The following CACNB2 variants were observed in gnomAD, a reference collection of about 807,000 sequenced individuals.
CACNB2 encodes voltage-dependent L-type calcium channel subunit beta-2.
A neutral mutation model predicts 73.3 loss-of-function variants in CACNB2; 42 were observed. That is an observed-to-expected ratio of 0.57 (90% CI 0.45 to 0.74). CACNB2 has a LOEUF of 0.74. Among genes scored for constraint, CACNB2 ranks in the 30% least tolerant of loss-of-function variants. The pLI, the probability that CACNB2 is intolerant of heterozygous loss-of-function variation, is 0.00. For missense variants in CACNB2, 940 were observed against 853.0 expected (o/e 1.10, Z -1.27); for synonymous variants, 348 against 310.3 (o/e 1.12, Z -1.28).
chr10:18,482,066 G>GT (rs899026955), intron 3 of CACNB2, among the ~76,000 whole-genome samples: 4 of 151,964 alleles, frequency 2.6e-5, no homozygotes, highest in South Asian at 2.1e-4. Flanking sequence ...ATTTTTGTGG[G>GT]TTTTTTTAGT....
At chr10:18,300,407 T>C (rs2039461526) in intron 2 of CACNB2, among the ~76,000 whole-genome samples, 1 of 152,062 alleles carries the variant, frequency 6.6e-6, no homozygotes, top group Non-Finnish European at 1.5e-5. Flanking sequence ...TCATTGCTGC[T>C]ACTTCTACTA....
intron 3 of CACNB2, among the ~76,000 whole-genome samples, chr10:18,414,821 A>G (rs1023799211): frequency 1.4e-4 from 21 of 151,524 alleles, no homozygotes; most frequent in African/African-American, 4.4e-4. Context: ...TTGTTGTATC[A>G]TTGTAAACAC....
intron 2 of CACNB2, among the ~76,000 whole-genome samples, chr10:18,355,649 T>G (rs1395866987): frequency 6.6e-6 from 1 of 151,738 alleles, no homozygotes; most frequent in Non-Finnish European, 1.5e-5. Flanking sequence ...TTTTTTTTAT[T>G]TTTTTGAGAC....
At chr10:18,150,806 C>T in intron 1 of CACNB2, 77 bp from the exon 2 acceptor site, 1 of 914,310 alleles carries the variant, frequency 1.1e-6, no homozygotes, top group Non-Finnish European at 1.6e-6. Context: ...ACATTTTCTG[C>T]AACTAGGCCT....
chr10:18,265,746 T>TG (rs1474419240), intron 2 of CACNB2, among the ~76,000 whole-genome samples: 1 of 152,176 alleles, frequency 6.6e-6, no homozygotes, highest in African/African-American at 2.4e-5. Flanking sequence ...AAGTTTATTG[T>TG]GAGAGTTAAG....
At chr10:18,255,400 C>T (rs1483469582) in intron 2 of CACNB2, among the ~76,000 whole-genome samples, 1 of 152,160 alleles carries the variant, frequency 6.6e-6, no homozygotes, top group Non-Finnish European at 1.5e-5. Flanking sequence ...TTCTAATTCT[C>T]GAAGATGTCA....
At chr10:18,196,047 G>T (rs2034608057) in intron 2 of CACNB2, among the ~76,000 whole-genome samples, 1 of 152,030 alleles carries the variant, frequency 6.6e-6, no homozygotes. Flanking sequence ...ATGTCCCCAG[G>T]CTCTGTTTTG....
chr10:18,180,762 C>T (rs2033831326), intron 2 of CACNB2, among the ~76,000 whole-genome samples: 2 of 151,942 alleles, frequency 1.3e-5, no homozygotes, highest in Non-Finnish European at 2.9e-5. Context: ...GTCAGGAGAT[C>T]GAGACCATCC....
chr10:18,407,184 G>A (rs1346722256), intron 3 of CACNB2, among the ~76,000 whole-genome samples: 2 of 129,092 alleles, frequency 1.5e-5, no homozygotes, highest in Non-Finnish European at 3.1e-5. Context: ...GTGCAGTGGT[G>A]CCACCTCAGC....
In CACNB2 at chr10:18,516,690, A is replaced by G. The variant is rs576952168; in HGVS notation, c.805-1646A>G. 3.9e-5 allele frequency among the ~76,000 whole-genome samples: 6 copies of G among 152,366 alleles called. No homozygotes were observed. The South Asian group carries it at 8.3e-4, about 21-fold the overall frequency. ...GTTATTGATAATGTGGTTAACATCA[A>G]TGTAGAATTCAAAAACAAAACAACA... On this transcript the variant is annotated intron_variant, in intron 7 of 13. Transcript: ENST00000324631.
chr10:18,492,756 G>C (rs533305633), intron 3 of CACNB2, among the ~76,000 whole-genome samples: 1 of 152,240 alleles, frequency 6.6e-6, no homozygotes, highest in South Asian at 2.1e-4. Flanking sequence ...CTTTAACAGC[G>C]AGTTAGTTTG....
chr10:18,191,344 C>T (rs550279054), intron 2 of CACNB2, among the ~76,000 whole-genome samples: 3 of 152,180 alleles, frequency 2.0e-5, no homozygotes, highest in Non-Finnish European at 4.4e-5. Flanking sequence ...CCAGCTGCCC[C>T]CCGTGTATTG....
chr10:18,147,586 C>G (rs10734038), intron 1 of CACNB2, among the ~76,000 whole-genome samples: 1 of 151,906 alleles, frequency 6.6e-6, no homozygotes. Context: ...ACAACCTGGG[C>G]TGCACTAATG....
At chr10:18,414,170 C>T (rs1296586529) in intron 3 of CACNB2, among the ~76,000 whole-genome samples, 1 of 152,206 alleles carries the variant, frequency 6.6e-6, no homozygotes, top group East Asian at 1.9e-4. Flanking sequence ...CATCCCCACC[C>T]ATCCCAGTGA....
chr10:18,506,228 C>G (rs1400336018), intron 5 of CACNB2, among the ~76,000 whole-genome samples: 1 of 152,204 alleles, frequency 6.6e-6, no homozygotes, highest in Admixed American at 6.5e-5. Flanking sequence ...AGAAATTACA[C>G]TGGTTCTCTT....
chr10:18,299,722 A>C (rs903840231), intron 2 of CACNB2, among the ~76,000 whole-genome samples: 5 of 152,170 alleles, frequency 3.3e-5, no homozygotes, highest in African/African-American at 1.2e-4. Context: ...AAAAATAAAA[A>C]TAAAAAAAAA....
At chr10:18,215,161 G>A (rs944785928) in intron 2 of CACNB2, among the ~76,000 whole-genome samples, 1 of 151,936 alleles carries the variant, frequency 6.6e-6, no homozygotes, top group Non-Finnish European at 1.5e-5. Context: ...GACATCTAGC[G>A]TTCCCTCCCA....
At chr10:18,286,739 A>G (rs954377934) in intron 2 of CACNB2, among the ~76,000 whole-genome samples, 4 of 152,146 alleles carry the variant, frequency 2.6e-5, no homozygotes, top group African/African-American at 9.7e-5. Context: ...AAAATATTGT[A>G]ATCTGATGGA....
intron 2 of CACNB2, among the ~76,000 whole-genome samples, chr10:18,266,041 TG>T (rs1222323265): frequency 6.6e-6 from 1 of 152,232 alleles, no homozygotes; most frequent in Non-Finnish European, 1.5e-5. Flanking sequence ...TGTCACCAAA[TG>T]ATATTGCATT....
Sources: gnomAD v4.1 joint callset for allele counts (sites outside exome capture counted in the v4.1 genomes callset) on GRCh38, gnomAD v4.1.1 for gene constraint, MANE v1.5 for transcripts, NCBI Gene and HGNC (gene_info 2026-07-23, HGNC 2026-07-21) for gene names.